MYO16: variants seen among roughly 807,000 people sequenced by gnomAD.
MYO16 encodes unconventional myosin-XVI.
MYO16 carries 94 observed loss-of-function variants against 205.3 expected under a neutral mutation model. That is an observed-to-expected ratio of 0.46 (90% CI 0.39 to 0.54). The LOEUF is 0.54. MYO16 is among the 20% of genes least tolerant of loss of function. The pLI, the probability that MYO16 is intolerant of heterozygous loss-of-function variation, is 0.00. For missense variants in MYO16, 2,315 were observed against 2,387.5 expected (o/e 0.97, Z 0.63); for synonymous variants, 988 against 954.0 (o/e 1.04, Z -0.66).
chr13:108,496,490 C>T, the MYO16 span, among the ~76,000 whole-genome samples: 3 of 152,154 alleles, frequency 2.0e-5, no homozygotes, highest in Non-Finnish European at 2.9e-5. Flanking sequence ...CCCAGCTGGG[C>T]AGTGTCAGCT....
chr13:108,645,696 A>G (rs553855764), intron 1 of MYO16, among the ~76,000 whole-genome samples: 2 of 152,350 alleles, frequency 1.3e-5, no homozygotes, highest in South Asian at 2.1e-4. Context: ...CTGGAATTAC[A>G]TGGAGGGTGA....
chr13:109,177,483 C>T lies in MYO16; in HGVS notation c.5324-2059C>T, dbSNP rs138132816. 1.5e-4 allele frequency among the ~76,000 whole-genome samples: 23 copies of T among 152,098 alleles called. No individual in the cohort carries two copies. In the East Asian group the frequency reaches 4.4e-3, roughly 29 times the overall value. On this transcript the variant is annotated intron_variant, in intron 33 of 34. Coordinates refer to ENST00000457511, the MANE Select transcript of MYO16 (RefSeq NM_001198950.3). Reference sequence around the variant, plus strand: ...GAGTTTCTGTTTTGATTCTGAGATCCAACTTCTAATTTTATGTATTTATTT... The same window carrying T: ...GAGTTTCTGTTTTGATTCTGAGATCTAACTTCTAATTTTATGTATTTATTT...
chr13:109,063,741 T>G (rs957998433), intron 27 of MYO16, among the ~76,000 whole-genome samples: 1 of 151,904 alleles, frequency 6.6e-6, no homozygotes, highest in Non-Finnish European at 1.5e-5. Context: ...GTTATATATA[T>G]TGTGTTTGGA....
At chr13:108,810,486 TAGA>T (rs1057381670) in intron 7 of MYO16, among the ~76,000 whole-genome samples, 1 of 152,176 alleles carries the variant, frequency 6.6e-6, no homozygotes, top group South Asian at 2.1e-4. Flanking sequence ...TTTATGATAA[TAGA>T]AGATTTTCAG....
intron 27 of MYO16, among the ~76,000 whole-genome samples, chr13:109,069,489 A>C (rs1812800244): frequency 6.6e-6 from 1 of 152,092 alleles, no homozygotes; most frequent in African/African-American, 2.4e-5. Flanking sequence ...AGATGGCTTA[A>C]AAAACATTCA....
At chr13:108,519,557 A>G in the MYO16 span, among the ~76,000 whole-genome samples, 1 of 152,048 alleles carries the variant, frequency 6.6e-6, no homozygotes, top group Non-Finnish European at 1.5e-5. Flanking sequence ...TATCATACAT[A>G]AATTTGAACA....
chr13:109,010,957 T>TTATATATATATATATATTATA (rs1320269590), intron 22 of MYO16, among the ~76,000 whole-genome samples: 2 of 118,572 alleles, frequency 1.7e-5, no homozygotes, highest in African/African-American at 6.2e-5. Context: ...ACATATAATA[T>TTATATATATATATATATTATA]TATATATATA....
chr13:108,607,453 A>C (rs1879001849), intron 1 of MYO16, among the ~76,000 whole-genome samples: 1 of 152,038 alleles, frequency 6.6e-6, no homozygotes, highest in African/African-American at 2.4e-5. Flanking sequence ...AGATCTGATG[A>C]TTTTATAAGG....
rs200595016 is a variant in MYO16 at position 108,915,838 on chromosome 13, G to T, written c.1925+5688G>T. On this transcript the variant is annotated intron_variant, in intron 16 of 34. Transcript: ENST00000457511. ...ACAAGCAGTGTTTGACTCAGAGCAT[G>T]TGACCTGTTTCTAACCCATGTGGCC... 6.6e-5 allele frequency among the ~76,000 whole-genome samples: 10 copies of T among 152,258 alleles called. No individual in the cohort carries two copies. In the East Asian group the frequency reaches 1.9e-3, roughly 29 times the overall value.
chr13:109,137,002 A>T (rs922830374), intron 31 of MYO16, among the ~76,000 whole-genome samples: 1 of 152,226 alleles, frequency 6.6e-6, no homozygotes, highest in Non-Finnish European at 1.5e-5. Flanking sequence ...GCAGTTCTCA[A>T]GGAGCCTCTC....
At chr13:108,818,564 A>G (rs575736652) in intron 7 of MYO16, among the ~76,000 whole-genome samples, 1 of 152,260 alleles carries the variant, frequency 6.6e-6, no homozygotes, top group South Asian at 2.1e-4. Context: ...ACCATAGAAA[A>G]AATCAACAAT....
At chr13:109,193,537 C>A (rs1324297889) in intron 34 of MYO16, among the ~76,000 whole-genome samples, 1 of 152,134 alleles carries the variant, frequency 6.6e-6, no homozygotes, top group East Asian at 1.9e-4. Context: ...AATACTGTTA[C>A]ACACGATTAA....
intron 15 of MYO16, 100 bp from the exon 16 acceptor site, chr13:108,909,903 A>C: frequency 1.6e-6 from 2 of 1,260,598 alleles, no homozygotes; most frequent in Non-Finnish European, 1.1e-6. Context: ...GGGAGAACTC[A>C]ACAGTCCTTG....
chr13:108,817,221 T>C (rs1875669005), intron 7 of MYO16, among the ~76,000 whole-genome samples: 1 of 152,104 alleles, frequency 6.6e-6, no homozygotes, highest in South Asian at 2.1e-4. Flanking sequence ...AAAACTACAT[T>C]GACTGAAATG....
chr13:108,629,815 C>T lies in MYO16; in HGVS notation c.-30C>T, dbSNP rs1173612031. Reference sequence around the variant, plus strand: ...TGTGACAGAAGAGAATGCTGGAACCCGTAGCAAGATTCCTGTCTGAGATGG... The same window carrying T: ...TGTGACAGAAGAGAATGCTGGAACCTGTAGCAAGATTCCTGTCTGAGATGG... On this transcript the variant is annotated 5_prime_UTR_variant, in exon 1 of 35. Coordinates refer to ENST00000457511, the MANE Select transcript of MYO16 (RefSeq NM_001198950.3). The T allele has an allele frequency of 2.6e-6, 4 of 1,523,516 alleles. No individual in the cohort carries two copies. Among genetic ancestry groups the T allele is most frequent in the Non-Finnish European group, 3.5e-6 (4 of 1,137,152 alleles). 94.4% of individuals were successfully genotyped at this position (1,523,516 alleles called of 1,614,324 possible). A position where few individuals can be genotyped will look rare whatever the true frequency, so the allele number is the denominator to read the frequency against.
intron 13 of MYO16, among the ~76,000 whole-genome samples, chr13:108,886,786 C>T (rs1879918581): frequency 6.6e-6 from 1 of 152,064 alleles, no homozygotes; most frequent in South Asian, 2.1e-4. Context: ...TCTCGGGGGA[C>T]CCTTCCCTGA....
chr13:108,735,279 C>T (rs1459414863), intron 4 of MYO16, among the ~76,000 whole-genome samples: 5 of 143,910 alleles, frequency 3.5e-5, no homozygotes, highest in East Asian at 2.1e-4. Flanking sequence ...ACCCCACAAC[C>T]GGCCCTGGTG....
At chr13:108,724,252 T>C (rs1218898767) in intron 3 of MYO16, among the ~76,000 whole-genome samples, 2 of 152,252 alleles carry the variant, frequency 1.3e-5, no homozygotes, top group East Asian at 3.8e-4. Context: ...ATGCGAATAA[T>C]GGCAGTTTTA....
chr13:108,942,239 C>T (rs891375551), intron 16 of MYO16, among the ~76,000 whole-genome samples: 2 of 152,136 alleles, frequency 1.3e-5, no homozygotes, highest in Non-Finnish European at 2.9e-5. Context: ...ATTTTTTCTC[C>T]ATATTACATA....
Sources: allele counts gnomAD v4.1 joint callset (sites outside exome capture counted in the v4.1 genomes callset), GRCh38; gene constraint gnomAD v4.1.1; transcripts MANE v1.5; gene names NCBI Gene and HGNC (gene_info 2026-07-23, HGNC 2026-07-21).